Variants in ABL1 observed in about 807,000 individuals in gnomAD.
The protein encoded by ABL1 is ABL proto-oncogene 1, non-receptor tyrosine kinase.
Under a neutral mutation model 94.7 loss-of-function variants are expected in ABL1, and 11 were observed. That is an observed-to-expected ratio of 0.12 (90% CI 0.07 to 0.19). ABL1 has a LOEUF of 0.19. Ranked by LOEUF, ABL1 falls within the 10% of genes least tolerant of loss-of-function variation. The pLI, the probability that ABL1 is intolerant of heterozygous loss-of-function variation, is 1.00. For missense variants in ABL1, 1,082 were observed against 1,489.4 expected, an observed-to-expected ratio of 0.73 and a Z score of 4.50; for synonymous variants, 656 against 622.4, an observed-to-expected ratio of 1.05 and a Z score of -0.80.
At chr9:130,781,716 T>C (rs1829758549) in intron 1 of ABL1, among the ~76,000 whole-genome samples, 2 of 152,190 alleles carry the variant, frequency 1.3e-5, no homozygotes, top group Non-Finnish European at 2.9e-5. Context: ...TAAAAGTATA[T>C]TATTTTGGCT....
rs34567996 is a variant in ABL1 at position 130,731,424 on chromosome 9, T to G, written c.136+16969T>G. ...GTGTAAGAAATCTTTGTGTCTACCC[T>G]AAGGTCACAAAGAAGTTTCACTCTC... On this transcript the variant is annotated intron_variant, in intron 1 of 10. Transcript: ENST00000372348. Among the ~76,000 whole-genome samples the G allele has an allele frequency of 8.0e-3, 1,216 of 152,306 alleles. 15 individuals are homozygous for G. Among genetic ancestry groups the G allele is most frequent in the African/African-American group, 0.027 (1,131 of 41,556 alleles).
intron 1 of ABL1, among the ~76,000 whole-genome samples, chr9:130,785,928 T>TAA (rs34333699): frequency 0.01 from 589 of 56,706 alleles, 7 homozygotes; most frequent in Non-Finnish European, 0.015. Flanking sequence ...GTCTCAAAAC[T>TAA]AAAAAAAAAA....
At chr9:130,824,075 G>A (rs1830397107) in intron 1 of ABL1, among the ~76,000 whole-genome samples, 3 of 152,184 alleles carry the variant, frequency 2.0e-5, no homozygotes, top group African/African-American at 7.2e-5. Context: ...AAACAATAGG[G>A]TCTGTCTATC....
intron 1 of ABL1, among the ~76,000 whole-genome samples, chr9:130,746,563 G>C (rs1831890781): frequency 6.6e-6 from 1 of 150,644 alleles, no homozygotes; most frequent in African/African-American, 2.4e-5. Context: ...TTCTTTCACT[G>C]AGCGTAATGC....
At chr9:130,860,007 A>G (rs1350673469) in intron 3 of ABL1, among the ~76,000 whole-genome samples, 1 of 152,134 alleles carries the variant, frequency 6.6e-6, no homozygotes, top group Non-Finnish European at 1.5e-5. Context: ...TTTCTTTGAC[A>G]AGTCCCATCC....
intron 10 of ABL1, among the ~76,000 whole-genome samples, chr9:130,882,310 A>G (rs1232840116): frequency 6.6e-6 from 1 of 152,212 alleles, no homozygotes; most frequent in Non-Finnish European, 1.5e-5. Flanking sequence ...TGAGTGGTGC[A>G]TAATTCATTG....
intron 1 of ABL1, among the ~76,000 whole-genome samples, chr9:130,806,507 A>G (rs1830127038): frequency 6.6e-6 from 1 of 152,186 alleles, no homozygotes; most frequent in Non-Finnish European, 1.5e-5. Flanking sequence ...AAAAAATTGC[A>G]TTCACACATT....
rs1360585400 is a variant in ABL1, at chr9:130,884,073, A to G, written c.1783A>G (p.Lys595Glu). ...AGATGAGCGCCTTCTCCCCAAAGAC[A>G]AAAAGACCAACTTGTTCAGCGCCTT... ...NEDERLLPKDKKTNLFSALIK... is the reference protein window; with the variant it reads ...NEDERLLPKDEKTNLFSALIK... Residue 595 changes from lysine (K) to glutamate (E), a missense_variant, in exon 11 of 11, where the codon AAA becomes GAA. Coordinates refer to ENST00000318560, the MANE Select transcript of ABL1 (RefSeq NM_005157.6). This position sits in a 1 kb window ranked among gnomAD's most constrained non-coding sequence, Gnocchi z 5.6. 1 of 1,613,820 alleles carries G rather than the reference A, an allele frequency of 6.2e-7. No homozygotes were observed. The highest frequency in any genetic ancestry group is 8.5e-7 in the Non-Finnish European group (1 of 1,180,042).
At chr9:130,742,226 T>A (rs1205270192) in intron 1 of ABL1, among the ~76,000 whole-genome samples, 1 of 152,130 alleles carries the variant, frequency 6.6e-6, no homozygotes, top group African/African-American at 2.4e-5. Context: ...GTGGATGCCA[T>A]TTTGGGGATT....
chr9:130,827,996 GGA>G (rs555954779), intron 1 of ABL1, among the ~76,000 whole-genome samples: 1 of 150,582 alleles, frequency 6.6e-6, no homozygotes, highest in Non-Finnish European at 1.5e-5. Context: ...TGCTATCCTT[GGA>G]GAGAGAGATT....
chr9:130,751,295 C>T (rs1038014109), intron 1 of ABL1, among the ~76,000 whole-genome samples: 3 of 151,428 alleles, frequency 2.0e-5, no homozygotes, highest in Non-Finnish European at 2.9e-5. Context: ...GCACGTGCCA[C>T]GACACCCAGC....
rs1831975567 is a variant in ABL1, at chr9:130,752,245, C to T, written c.136+37790C>T. ...GGCCTAGATGTGAATCCTGTCTCTGCTTCATAGCTGTTGTGAGATCTTGGG... is the reference window on the plus strand; with the variant it reads ...GGCCTAGATGTGAATCCTGTCTCTGTTTCATAGCTGTTGTGAGATCTTGGG... On this transcript the variant is annotated intron_variant, in intron 1 of 10. Coordinates refer to the ABL1 transcript ENST00000372348. Among the ~76,000 whole-genome samples the T allele has an allele frequency of 2.0e-5, 3 of 152,196 alleles. No individual in the cohort carries two copies. The South Asian group carries it at 6.2e-4, about 31-fold the overall frequency.
At chr9:130,773,628 CTTTTTT>C (rs57265547) in intron 1 of ABL1, among the ~76,000 whole-genome samples, 1 of 108,988 alleles carries the variant, frequency 9.2e-6, no homozygotes, top group Admixed American at 9.7e-5. Context: ...CTGGCTAACT[CTTTTTT>C]TTTTTTTTTT....
At chr9:130,882,400 G>A (rs1157203606) in intron 10 of ABL1, among the ~76,000 whole-genome samples, 8 of 152,116 alleles carry the variant, frequency 5.3e-5, no homozygotes, top group South Asian at 2.1e-4. Context: ...GATGTCCCGC[G>A]TGCTGCCTTG....
intron 1 of ABL1, among the ~76,000 whole-genome samples, chr9:130,812,562 A>G (rs987907960): frequency 2.0e-5 from 3 of 152,164 alleles, no homozygotes; most frequent in Non-Finnish European, 4.4e-5. Flanking sequence ...AACAAACTAT[A>G]TTTTAAAATG....
chr9:130,826,026 A>G lies in ABL1; in HGVS notation c.137-28038A>G, dbSNP rs557559567. Among the ~76,000 whole-genome samples the G allele has an allele frequency of 4.0e-4, 61 of 152,348 alleles. 1 individual carries two copies. In the South Asian group the frequency reaches 0.012, roughly 31 times the overall value. On this transcript the variant is annotated intron_variant, in intron 1 of 10. Coordinates refer to the ABL1 transcript ENST00000372348. ...GGATCTAACAAGGGAGTTTGAAGAT[A>G]GGGGTTTTCCTTGCTCTGCCACTAA...
At chr9:130,760,723 C>A (rs571438596) in intron 1 of ABL1, among the ~76,000 whole-genome samples, 3 of 145,584 alleles carry the variant, frequency 2.1e-5, no homozygotes, top group Non-Finnish European at 4.5e-5. Context: ...AGTGCAGTGG[C>A]GCGATCTCGG....
Position 130,885,934 on chromosome 9 carries a change from C to G in ABL1, c.*251C>G. 2.0e-6 allele frequency: 1 copy of G among 512,054 alleles called. No individual in the cohort carries two copies. The highest frequency in any genetic ancestry group is 3.4e-6 in the Non-Finnish European group (1 of 294,208). The allele number at this position is 512,054 out of a possible 1,614,324, so 31.7% of individuals were successfully genotyped here. ...AATTTTATCTGTGGAGTTCCTGCTC[C>G]GTGGACTGCAGTCGGCATGCCAGGA... On this transcript the variant is annotated 3_prime_UTR_variant, in exon 11 of 11. Coordinates refer to ENST00000318560, the MANE Select transcript of ABL1 (RefSeq NM_005157.6).
intron 1 of ABL1, among the ~76,000 whole-genome samples, chr9:130,784,233 G>A (rs1829797638): frequency 6.6e-6 from 1 of 152,168 alleles, no homozygotes; most frequent in African/African-American, 2.4e-5. Context: ...TCTTCGATTT[G>A]AAGAAGTATA....
Sources: gnomAD v4.1 joint callset for allele counts (sites outside exome capture counted in the v4.1 genomes callset) on GRCh38, gnomAD v4.1.1 for gene constraint, Gnocchi (gnomAD v3.1) non-coding constraint, MANE v1.5 for transcripts, NCBI Gene and HGNC (gene_info 2026-07-23, HGNC 2026-07-21) for gene names.